The following CRADD variants were observed in gnomAD, a reference collection of about 807,000 sequenced individuals.
The protein encoded by CRADD is death domain-containing protein CRADD.
CRADD carries 9 observed loss-of-function variants against 15.5 expected under a neutral mutation model. The ratio of observed to expected loss-of-function variants is 0.58; its 90% CI spans 0.35 to 1.01. The LOEUF (loss-of-function observed/expected upper bound fraction) is 1.01. Ranked by LOEUF, CRADD falls within the 50% of genes least tolerant of loss-of-function variation. CRADD has a pLI of 0.02. For synonymous variants in CRADD, 118 were observed against 107.6 expected (o/e 1.10, Z -0.60); for missense variants, 227 against 250.3 (o/e 0.91, Z 0.63).
chr12:93,877,171 C>T, intron 2 of CRADD, among the ~76,000 whole-genome samples: 1 of 152,216 alleles, frequency 6.6e-6, no homozygotes, highest in Admixed American at 6.5e-5. Context: ...AACAAACAGT[C>T]TCTCCTTGTT....
At chr12:93,688,155 C>T (rs1230495164) in intron 2 of CRADD, among the ~76,000 whole-genome samples, 1 of 152,130 alleles carries the variant, frequency 6.6e-6, no homozygotes, top group African/African-American at 2.4e-5. Context: ...GTGGGACTGG[C>T]TTAGTCTGTC....
At chr12:93,798,496 T>G (rs1565918088) in intron 2 of CRADD, among the ~76,000 whole-genome samples, 1 of 152,092 alleles carries the variant, frequency 6.6e-6, no homozygotes, top group Middle Eastern at 3.2e-3. Context: ...AATTATCAGC[T>G]CCTCCCTCCT....
chr12:93,745,957 A>G (rs1450759320), intron 2 of CRADD, among the ~76,000 whole-genome samples: 2 of 152,196 alleles, frequency 1.3e-5, no homozygotes, highest in African/African-American at 4.8e-5. Flanking sequence ...TACACACACT[A>G]TTACCACCAC....
At chr12:93,814,307 G>GT (rs1159747832) in intron 2 of CRADD, among the ~76,000 whole-genome samples, 1 of 151,914 alleles carries the variant, frequency 6.6e-6, no homozygotes, top group Non-Finnish European at 1.5e-5. Context: ...GAGATAAGCA[G>GT]TTTTTTTGTG....
At chr12:93,744,893 T>G (rs2136932730) in intron 2 of CRADD, among the ~76,000 whole-genome samples, 1 of 152,344 alleles carries the variant, frequency 6.6e-6, no homozygotes, top group South Asian at 2.1e-4. Flanking sequence ...GATCAGTTTC[T>G]AGTACCACCA....
At chr12:93,713,265 G>A (rs17676326) in intron 2 of CRADD, among the ~76,000 whole-genome samples, 5,699 of 152,242 alleles carry the variant, frequency 0.037, 167 homozygotes, top group South Asian at 0.066. Context: ...AATGCTGTCT[G>A]TAGTGACTCT....
intron 2 of CRADD, among the ~76,000 whole-genome samples, chr12:93,877,999 G>A (rs1450746041): frequency 2.6e-5 from 4 of 152,122 alleles, no homozygotes; most frequent in African/African-American, 7.2e-5. Context: ...CCCACCCAAG[G>A]CCCCCAACAT....
At position 93,876,853 on chromosome 12, in the gene CRADD, C is replaced by A. The variant is rs138104440; in HGVS notation, c.299-17197C>A. Among the ~76,000 whole-genome samples, 150 of 152,192 alleles carry A rather than the reference C, an allele frequency of 9.9e-4. 1 individual carries two copies. The highest frequency in any genetic ancestry group is 3.1e-3 in the African/African-American group (129 of 41,518). On this transcript the variant is annotated intron_variant, in intron 2 of 2. Transcript: ENST00000548483. ...CCTTATTTATTTCATTTGGTGAGGTCATGTTTCCCTGGGTGGTGTTGATAG... is the reference window on the plus strand; with the variant it reads ...CCTTATTTATTTCATTTGGTGAGGTAATGTTTCCCTGGGTGGTGTTGATAG...
chr12:93,754,687 TTATTGTC>T (rs919201114), intron 2 of CRADD, among the ~76,000 whole-genome samples: 4 of 152,158 alleles, frequency 2.6e-5, no homozygotes, highest in African/African-American at 9.7e-5. Context: ...AGCCTGGACT[TTATTGTC>T]TATGTCACTA....
chr12:93,842,045 C>G (rs892878657), intron 2 of CRADD, among the ~76,000 whole-genome samples: 1 of 152,106 alleles, frequency 6.6e-6, no homozygotes, highest in African/African-American at 2.4e-5. Flanking sequence ...CACAAAATAA[C>G]TGAAGTTGAG....
At chr12:93,817,236 G>T (rs1957712988) in intron 2 of CRADD, among the ~76,000 whole-genome samples, 1 of 152,110 alleles carries the variant, frequency 6.6e-6, no homozygotes, top group Admixed American at 6.5e-5. Flanking sequence ...GTGACTTCCA[G>T]CCAGGTCTCT....
chr12:93,713,813 AT>A (rs1956116376), intron 2 of CRADD, among the ~76,000 whole-genome samples: 1 of 152,228 alleles, frequency 6.6e-6, no homozygotes, highest in Non-Finnish European at 1.5e-5. Context: ...TTGAAATGAT[AT>A]TTTTGATATA....
intron 2 of CRADD, among the ~76,000 whole-genome samples, chr12:93,878,865 A>C (rs1055173058): frequency 6.6e-6 from 1 of 152,174 alleles, no homozygotes; most frequent in African/African-American, 2.4e-5. Flanking sequence ...ACCAGGTACT[A>C]TGAGGGCTCA....
At chr12:93,855,921 G>A (rs7962419) in intron 2 of CRADD, among the ~76,000 whole-genome samples, 7 of 151,634 alleles carry the variant, frequency 4.6e-5, no homozygotes, top group African/African-American at 4.8e-5. Flanking sequence ...TGGTTCAAGC[G>A]ATTCTCCTGC....
intron 2 of CRADD, among the ~76,000 whole-genome samples, chr12:93,748,050 C>A (rs1302431177): frequency 1.3e-5 from 2 of 151,944 alleles, no homozygotes; most frequent in Non-Finnish European, 2.9e-5. Flanking sequence ...GGTAAGTATA[C>A]GTTTATATAA....
At chr12:93,738,145 T>C (rs1956609375) in intron 2 of CRADD, 1 of 598,228 alleles carries the variant, frequency 1.7e-6, no homozygotes, top group South Asian at 2.0e-5. Flanking sequence ...GTTCTGCTGT[T>C]TCTTAGCTGT....
intron 2 of CRADD, among the ~76,000 whole-genome samples, chr12:93,803,872 T>C (rs1055787091): frequency 1.3e-5 from 2 of 151,996 alleles, no homozygotes; most frequent in African/African-American, 2.4e-5. Context: ...CAAGAAAACA[T>C]TGGAAAAGGG....
At chr12:93,821,562 T>A (rs1365642435) in intron 2 of CRADD, among the ~76,000 whole-genome samples, 1 of 152,226 alleles carries the variant, frequency 6.6e-6, no homozygotes, top group East Asian at 1.9e-4. Flanking sequence ...CCAACGTGCC[T>A]TTTAGTTGTT....
chr12:93,806,175 CG>C lies in CRADD; in HGVS notation c.299-43792del, dbSNP rs1003193262. 4.7e-4 allele frequency among the ~76,000 whole-genome samples: 71 copies of C among 152,060 alleles called. 2 individuals are homozygous for C. Among genetic ancestry groups the C allele is most frequent in the Admixed American group, 3.9e-3 (60 of 15,218 alleles). ...TTTTTGAAAAAACAAGAGAGGTGGC[CG>C]GGCGCAGTGGCTCATGCCTGTAATC... On this transcript the variant is annotated intron_variant, in intron 2 of 2. Coordinates refer to ENST00000332896, the MANE Select transcript of CRADD (RefSeq NM_003805.5).
Sources: allele counts gnomAD v4.1 joint callset (sites outside exome capture counted in the v4.1 genomes callset), GRCh38; gene constraint gnomAD v4.1.1; transcripts MANE v1.5; gene names NCBI Gene and HGNC (gene_info 2026-07-23, HGNC 2026-07-21).